Variants in PIK3CD observed in about 807,000 individuals in gnomAD.
PIK3CD encodes the protein phosphatidylinositol-4,5-bisphosphate 3-kinase catalytic subunit delta.
In PIK3CD, 20 loss-of-function variants were observed where a neutral mutation model predicts 122.9. That is an observed-to-expected ratio of 0.16 (90% confidence interval 0.11 to 0.24). The LOEUF is 0.24. Among genes scored for constraint, PIK3CD ranks in the 10% least tolerant of loss-of-function variants. PIK3CD has a pLI of 1.00. For missense variants in PIK3CD, 787 were observed against 1,406.3 expected, an observed-to-expected ratio of 0.56 and a Z score of 7.04; for synonymous variants, 596 against 593.4, an observed-to-expected ratio of 1.00 and a Z score of -0.06.
At chr1:9,655,789 C>T (rs932231790) in intron 1 of PIK3CD, among the ~76,000 whole-genome samples, 1 of 148,202 alleles carries the variant, frequency 6.7e-6, no homozygotes, top group Non-Finnish European at 1.5e-5. Flanking sequence ...CCTCTGCCTC[C>T]AGGTTCAAGC....
chr1:9,710,899 C>A lies in PIK3CD; in HGVS notation c.141+303C>A, dbSNP rs1382129336. ...CTCCCGGGTTCAAGAGATTCTTCCG[C>A]CTCAGCCTCCTGAGTAGCTGGGATT... On this transcript the variant is annotated intron_variant, in intron 3 of 23. Coordinates refer to ENST00000377346, the MANE Select transcript of PIK3CD (RefSeq NM_005026.5). The surrounding 1 kb of genome is among the most constrained non-coding windows in gnomAD (Gnocchi z 4.7). 6.6e-6 allele frequency among the ~76,000 whole-genome samples: 1 copy of A among 152,178 alleles called. No individual in the cohort carries two copies. The highest frequency in any genetic ancestry group is 1.5e-5 in the Non-Finnish European group (1 of 68,028).
the PIK3CD span, among the ~76,000 whole-genome samples, chr1:9,638,043 G>A: frequency 6.6e-6 from 1 of 151,880 alleles, no homozygotes; most frequent in Non-Finnish European, 1.5e-5. Context: ...GGAGGTAGAG[G>A]TTGCAGTGAG....
chr1:9,661,303 T>C (rs1645002301), intron 1 of PIK3CD, among the ~76,000 whole-genome samples: 1 of 151,586 alleles, frequency 6.6e-6, no homozygotes, highest in Admixed American at 6.6e-5. Flanking sequence ...TGGTCTCTAA[T>C]TACTGACCTC....
chr1:9,633,237 A>G, the PIK3CD span, among the ~76,000 whole-genome samples: 1 of 152,168 alleles, frequency 6.6e-6, no homozygotes, highest in Admixed American at 6.5e-5. Flanking sequence ...ACAAACCCCA[A>G]TTTGTCAGGC....
intron 2 of PIK3CD, among the ~76,000 whole-genome samples, chr1:9,708,691 A>G (rs1646937836): frequency 1.3e-5 from 2 of 151,988 alleles, no homozygotes; most frequent in South Asian, 4.1e-4. Context: ...TCTACTAAAA[A>G]TACAAAAATT....
intron 2 of PIK3CD, among the ~76,000 whole-genome samples, chr1:9,694,061 C>T (rs560916627): frequency 2.0e-5 from 3 of 152,254 alleles, no homozygotes; most frequent in East Asian, 1.9e-4. Context: ...GCATGGAGAA[C>T]GAAAGGGTCA....
the PIK3CD span, among the ~76,000 whole-genome samples, chr1:9,636,887 T>C: frequency 2.1e-5 from 3 of 141,810 alleles, no homozygotes; most frequent in Admixed American, 1.4e-4. Context: ...GTTTCTTTTT[T>C]TTCTTTTCTT....
rs757992219 is a variant in PIK3CD, at chr1:9,721,884, C to G, written c.2055+24C>G. 2.5e-6 allele frequency: 4 copies of G among 1,611,472 alleles called. No homozygotes were observed. The Admixed American group carries it at 6.7e-5, about 27-fold the overall frequency. On this transcript the variant is annotated intron_variant, in intron 16 of 23. Coordinates refer to ENST00000377346, the MANE Select transcript of PIK3CD (RefSeq NM_005026.5). ...AGGTGAGGCCCAAGGCCCTGGGGGGCGGGCAGGGGGCGGCCCTGAGCGTCT... is the reference window on the plus strand; with the variant it reads ...AGGTGAGGCCCAAGGCCCTGGGGGGGGGGCAGGGGGCGGCCCTGAGCGTCT...
rs1647851136 is a variant in PIK3CD at position 9,718,154 on chromosome 1, C to CA, written c.1020+529dup. The stretch of plus-strand genomic sequence containing the variant: ...TTGCTGGACATGATACCTGAGTCCT[C>CA]AGAGGTTGGCCCTCCTGCCTGGAGT... On this transcript the variant is annotated intron_variant, in intron 8 of 23. Coordinates refer to ENST00000377346, the MANE Select transcript of PIK3CD (RefSeq NM_005026.5). This position sits in a 1 kb window ranked among gnomAD's most constrained non-coding sequence, Gnocchi z 7.2. 1 of 463,640 alleles carries CA rather than the reference C, an allele frequency of 2.2e-6. No individual in the cohort carries two copies. The highest frequency in any genetic ancestry group is 4.3e-6 in the Non-Finnish European group (1 of 232,226). The allele number at this position is 463,640 out of a possible 1,614,324, so 28.7% of individuals were successfully genotyped here.
chr1:9,632,554 A>T, the PIK3CD span, among the ~76,000 whole-genome samples: 1 of 152,164 alleles, frequency 6.6e-6, no homozygotes, highest in Non-Finnish European at 1.5e-5. Flanking sequence ...AGAGGAACAG[A>T]TCAATTTAAC....
chr1:9,645,437 CT>C, the PIK3CD span, among the ~76,000 whole-genome samples: 1 of 151,762 alleles, frequency 6.6e-6, no homozygotes, highest in African/African-American at 2.4e-5. Flanking sequence ...GAAAGTGAAA[CT>C]TCTATTTTAT....
In PIK3CD at chr1:9,652,527, C is replaced by A. The variant is rs955304812; in HGVS notation, c.-138+725C>A. On this transcript the variant is annotated intron_variant, in intron 1 of 23. Coordinates refer to ENST00000377346, the MANE Select transcript of PIK3CD (RefSeq NM_005026.5). This position sits in a 1 kb window ranked among gnomAD's most constrained non-coding sequence, Gnocchi z 6.2. ...ATCAGCTCCGGATCTGCGGCCGAGC[C>A]GGGGTTACGCCGGCAAAACCGCCCC... 6.6e-6 allele frequency: 1 copy of A among 152,266 alleles called. No homozygotes were observed. Among genetic ancestry groups the A allele is most frequent in the Non-Finnish European group, 1.5e-5 (1 of 68,048 alleles). 9.4% of individuals were successfully genotyped at this position (152,266 alleles called of 1,614,324 possible). A position where few individuals can be genotyped will look rare whatever the true frequency, so the allele number is the denominator to read the frequency against.
At chr1:9,637,081 TA>T in the PIK3CD span, among the ~76,000 whole-genome samples, 1 of 151,996 alleles carries the variant, frequency 6.6e-6, no homozygotes, top group African/African-American at 2.4e-5. Flanking sequence ...GTATTTTTAG[TA>T]GAGATGGGGT....
In PIK3CD at chr1:9,724,299, C is replaced by T; in HGVS notation, c.2742C>T (p.His914=). Residue 914 remains histidine, a synonymous_variant, in exon 22 of 24, where the codon CAC becomes CAT. Transcript: ENST00000377346. The surrounding 1 kb of genome is among the most constrained non-coding windows in gnomAD (Gnocchi z 7.3). ...SGQLFHIDFG[H]FLGNFKTKFG... ...AGCTGTTCCACATTGATTTTGGCCACTTTCTGGGGAATTTCAAGACCAAGT... is the reference window on the plus strand; with the variant it reads ...AGCTGTTCCACATTGATTTTGGCCATTTTCTGGGGAATTTCAAGACCAAGT... 6.2e-6 allele frequency: 10 copies of T among 1,614,166 alleles called. No homozygotes were observed. The highest frequency in any genetic ancestry group is 8.5e-6 in the Non-Finnish European group (10 of 1,180,040).
At chr1:9,639,016 C>T in the PIK3CD span, among the ~76,000 whole-genome samples, 4 of 152,034 alleles carry the variant, frequency 2.6e-5, no homozygotes, top group East Asian at 7.8e-4. Context: ...ATCTGCCCAC[C>T]TTGTCCTCCC....
chr1:9,632,330 AAGACAG>A, the PIK3CD span, among the ~76,000 whole-genome samples: 1 of 151,892 alleles, frequency 6.6e-6, no homozygotes. Flanking sequence ...CTTTTTTTTA[AAGACAG>A]AGGGTCTCAA....
chr1:9,627,283 G>A, the PIK3CD span, among the ~76,000 whole-genome samples: 1 of 152,270 alleles, frequency 6.6e-6, no homozygotes, highest in Non-Finnish European at 1.5e-5. Flanking sequence ...GGCGACCTAA[G>A]GCTCCGGGCA....
the PIK3CD span, among the ~76,000 whole-genome samples, chr1:9,628,943 C>T: frequency 6.6e-6 from 1 of 152,158 alleles, no homozygotes; most frequent in African/African-American, 2.4e-5. Flanking sequence ...GGAAGGTCCC[C>T]AGAAGCCCCC....
At position 9,720,818 on chromosome 1, in the gene PIK3CD, A is replaced by G; in HGVS notation, c.1598A>G (p.Lys533Arg). ...GAGCACGAGAAGGACCTGGTGTGGA[A>G]GCTGCGGCATGAAGTCCAGGAGCAC... ...LYEHEKDLVW[K>R]LRHEVQEHFP... Residue 533 changes from lysine to arginine, a missense_variant, in exon 13 of 24, where the codon AAG becomes AGG. This residue lies in a region of PIK3CD where 592 missense variants were observed against 920.6 expected (regional missense o/e 0.64). Coordinates refer to ENST00000377346, the MANE Select transcript of PIK3CD (RefSeq NM_005026.5). This position sits in a 1 kb window ranked among gnomAD's most constrained non-coding sequence, Gnocchi z 9.0. 1 of 1,613,118 alleles carries G rather than the reference A, an allele frequency of 6.2e-7. No individual in the cohort carries two copies.
Sources: gnomAD v4.1 joint callset for allele counts (sites outside exome capture counted in the v4.1 genomes callset) on GRCh38, gnomAD v4.1.1 for gene constraint, gnomAD v4.1.1 regional missense constraint, Gnocchi (gnomAD v3.1) non-coding constraint, MANE v1.5 for transcripts, NCBI Gene and HGNC (gene_info 2026-07-23, HGNC 2026-07-21) for gene names.